Variants in SWAP70 observed in about 807,000 individuals in gnomAD.
SWAP70 encodes switching B cell complex subunit SWAP70, also known as switch-associated protein 70.
In SWAP70, 34 loss-of-function variants were observed where a neutral mutation model predicts 80.2. That is an observed-to-expected ratio of 0.42 (90% confidence interval 0.32 to 0.56). The LOEUF (loss-of-function observed/expected upper bound fraction) is 0.56, where lower values mean the gene tolerates loss of function less well. Ranked by LOEUF, SWAP70 falls within the 20% of genes least tolerant of loss-of-function variation. The pLI is 0.09. For synonymous variants in SWAP70, 239 were observed against 238.5 expected, an observed-to-expected ratio of 1.00 and a Z score of -0.02; for missense variants, 578 against 690.7, an observed-to-expected ratio of 0.84 and a Z score of 1.83.
chr11:9,673,338 TAGAC>T (rs1267648805), intron 1 of SWAP70, among the ~76,000 whole-genome samples: 1 of 152,168 alleles, frequency 6.6e-6, no homozygotes, highest in African/African-American at 2.4e-5. Flanking sequence ...AGGATACAAA[TAGAC>T]AGATGAAGAG....
chr11:9,694,789 A>T (rs1198379338), intron 2 of SWAP70, among the ~76,000 whole-genome samples: 1 of 152,232 alleles, frequency 6.6e-6, no homozygotes, highest in Non-Finnish European at 1.5e-5. Context: ...AATGGTGATT[A>T]TTAGAAAGCC....
Position 9,672,900 on chromosome 11 carries a change from T to A in SWAP70, c.99+8622T>A, listed in dbSNP as rs533675619. 6.6e-5 allele frequency among the ~76,000 whole-genome samples: 10 copies of A among 152,266 alleles called. No individual in the cohort carries two copies. In the South Asian group the frequency reaches 1.0e-3, roughly 16 times the overall value. Reference sequence around the variant, plus strand: ...GAAAAATTAACAACATAATTAGATATCATTTTAATAGTATGTCAGTGGAAA... The same window carrying A: ...GAAAAATTAACAACATAATTAGATAACATTTTAATAGTATGTCAGTGGAAA... On this transcript the variant is annotated intron_variant, in intron 1 of 11. Transcript: ENST00000318950.
chr11:9,731,503 A>C (rs1269833405), intron 6 of SWAP70, among the ~76,000 whole-genome samples: 1 of 152,242 alleles, frequency 6.6e-6, no homozygotes, highest in African/African-American at 2.4e-5. Context: ...ATTGCAAACA[A>C]TCTAGCTATC....
At chr11:9,679,307 T>G (rs1359358838) in intron 1 of SWAP70, among the ~76,000 whole-genome samples, 1 of 152,218 alleles carries the variant, frequency 6.6e-6, no homozygotes, top group East Asian at 1.9e-4. Context: ...AGGATGAAAG[T>G]TGTTCTGGTC....
chr11:9,701,120 A>T (rs565069738), intron 2 of SWAP70, among the ~76,000 whole-genome samples: 12 of 151,804 alleles, frequency 7.9e-5, no homozygotes, highest in South Asian at 2.1e-4. Context: ...TGAGACTTCA[A>T]ATGATTAACC....
chr11:9,690,155 T>G (rs1850678580), intron 1 of SWAP70, among the ~76,000 whole-genome samples: 1 of 152,190 alleles, frequency 6.6e-6, no homozygotes, highest in South Asian at 2.1e-4. Flanking sequence ...CTAAAACAAA[T>G]TAATAGATGG....
At chr11:9,742,340 C>T (rs1474883804) in intron 9 of SWAP70, among the ~76,000 whole-genome samples, 1 of 151,718 alleles carries the variant, frequency 6.6e-6, no homozygotes, top group East Asian at 1.9e-4. Context: ...TGCCCCCCTG[C>T]TCCCTTTTTT....
rs762488129 is a variant in SWAP70 at position 9,664,219 on chromosome 11, C to T, written c.40C>T (p.His14Tyr). The T allele has an allele frequency of 6.3e-7, 1 of 1,594,168 alleles. No homozygotes were observed. Among genetic ancestry groups the T allele is most frequent in the South Asian group, 1.1e-5 (1 of 87,622 alleles). Residue 14 changes from histidine (H) to tyrosine (Y), a missense_variant, in exon 1 of 12, where the codon CAC (histidine) becomes TAC (tyrosine). Coordinates refer to ENST00000318950, the MANE Select transcript of SWAP70 (RefSeq NM_015055.4). ...LKEELLKAIW[H>Y]AFTALDQDHS... ...GGAGGAGCTGCTCAAAGCCATCTGG[C>T]ACGCCTTCACCGCACTCGACCAGGA...
intron 1 of SWAP70, among the ~76,000 whole-genome samples, chr11:9,682,359 A>G (rs141985954): frequency 2.6e-5 from 4 of 152,242 alleles, no homozygotes; most frequent in Admixed American, 2.0e-4. Flanking sequence ...TGTTAAGGCA[A>G]TGGTGATACC....
intron 3 of SWAP70, 121 bp from the exon 4 acceptor site, chr11:9,724,537 C>T: frequency 4.2e-6 from 3 of 706,664 alleles, no homozygotes; most frequent in South Asian, 4.0e-5. Context: ...TAAAGGTAGG[C>T]ATTTTTGGAA....
intron 9 of SWAP70, chr11:9,741,392 C>G (rs975085617): frequency 6.6e-6 from 1 of 152,154 alleles, no homozygotes; most frequent in Non-Finnish European, 1.5e-5. Flanking sequence ...GGTGCACATT[C>G]ACTGCACTGT....
chr11:9,710,622 C>T (rs187857244), intron 2 of SWAP70, among the ~76,000 whole-genome samples: 14 of 151,528 alleles, frequency 9.2e-5, no homozygotes, highest in Admixed American at 3.3e-4. Flanking sequence ...TGCCTGCCTC[C>T]TCCAGTACAT....
intron 1 of SWAP70, among the ~76,000 whole-genome samples, chr11:9,674,122 A>G (rs1270070870): frequency 6.6e-6 from 1 of 152,076 alleles, no homozygotes; most frequent in African/African-American, 2.4e-5. Context: ...GCTGGTCTCA[A>G]ACTCCTGACC....
chr11:9,749,072 C>G lies in SWAP70; in HGVS notation c.1555-15C>G. On this transcript the variant is annotated splice_polypyrimidine_tract_variant and intron_variant, in intron 10 of 11. Coordinates refer to ENST00000318950, the MANE Select transcript of SWAP70 (RefSeq NM_015055.4). ...CCCGTGTGTCTGCATAGTCCAAAATCCACTTTTGTTTCAGGAAGTTAAAAA... is the reference window on the plus strand; with the variant it reads ...CCCGTGTGTCTGCATAGTCCAAAATGCACTTTTGTTTCAGGAAGTTAAAAA... 1 of 1,596,900 alleles carries G rather than the reference C, an allele frequency of 6.3e-7. No homozygotes were observed. The highest frequency in any genetic ancestry group is 8.6e-7 in the Non-Finnish European group (1 of 1,166,902).
At chr11:9,735,255 A>G (rs1301708350) in intron 7 of SWAP70, among the ~76,000 whole-genome samples, 1 of 152,226 alleles carries the variant, frequency 6.6e-6, no homozygotes, top group Non-Finnish European at 1.5e-5. Flanking sequence ...ACACAAAAGT[A>G]TATACTAGTG....
Position 9,750,843 on chromosome 11 carries a change from G to A in SWAP70, c.*873G>A, listed in dbSNP as rs1429509670. 1 of 152,216 alleles carries A rather than the reference G, an allele frequency of 6.6e-6. No individual in the cohort carries two copies. Among genetic ancestry groups the A allele is most frequent in the Admixed American group, 6.5e-5 (1 of 15,286 alleles). The allele number at this position is 152,216 out of a possible 1,614,324, so 9.4% of individuals were successfully genotyped here. A position where few individuals can be genotyped will look rare whatever the true frequency, so the allele number is the denominator to read the frequency against. On this transcript the variant is annotated 3_prime_UTR_variant, in exon 12 of 12. Coordinates refer to ENST00000318950, the MANE Select transcript of SWAP70 (RefSeq NM_015055.4). The stretch of plus-strand genomic sequence containing the variant: ...TTTCCTGGTTGCCCTTTTGGAATGT[G>A]ATCCTGTTAGTAGAGGTTTTCTAGC...
At chr11:9,714,086 A>G (rs1851034221) in intron 3 of SWAP70, among the ~76,000 whole-genome samples, 1 of 152,180 alleles carries the variant, frequency 6.6e-6, no homozygotes, top group Non-Finnish European at 1.5e-5. Flanking sequence ...CATACCTTTC[A>G]AAGTAAAAGA....
At chr11:9,741,211 A>G (rs187479967) in intron 9 of SWAP70, 3 of 152,344 alleles carry the variant, frequency 2.0e-5, no homozygotes, top group Admixed American at 2.0e-4. Context: ...TTTAGATAGG[A>G]AGAGAAAGAA....
At chr11:9,697,874 A>G (rs1224543452) in intron 2 of SWAP70, among the ~76,000 whole-genome samples, 1 of 152,006 alleles carries the variant, frequency 6.6e-6, no homozygotes, top group Non-Finnish European at 1.5e-5. Context: ...TTGAACTCCT[A>G]TGCTAAATAA....
Sources: gnomAD v4.1 joint callset for allele counts (sites outside exome capture counted in the v4.1 genomes callset) on GRCh38, gnomAD v4.1.1 for gene constraint, MANE v1.5 for transcripts, NCBI Gene and HGNC (gene_info 2026-07-23, HGNC 2026-07-21) for gene names.